Variants in DCDC2 observed in about 807,000 individuals in gnomAD.
DCDC2 encodes the protein doublecortin domain-containing protein 2.
DCDC2 carries 40 observed loss-of-function variants against 50.2 expected under a neutral mutation model. That is an observed-to-expected ratio of 0.80 (90% CI 0.62 to 1.04). DCDC2 has a LOEUF of 1.04. Ranked by LOEUF, DCDC2 falls within the 50% of genes least tolerant of loss-of-function variation. The pLI is 0.00. For synonymous variants in DCDC2, 234 were observed against 210.6 expected (o/e 1.11, Z -0.96); for missense variants, 570 against 581.9 (o/e 0.98, Z 0.21).
chr6:24,353,008 G>T (rs1305573152), intron 2 of DCDC2, among the ~76,000 whole-genome samples: 2 of 152,182 alleles, frequency 1.3e-5, no homozygotes, highest in Admixed American at 1.3e-4. Flanking sequence ...GTGGAATGCG[G>T]TATTGTGAAT....
Position 24,282,478 on chromosome 6 carries a change from A to G in DCDC2, c.760-4267T>C, listed in dbSNP as rs543745915. On this transcript the variant is annotated intron_variant, in intron 6 of 9. Transcript: ENST00000378454. ...GGCTGCTCTCAAACTCCTGACCTCA[A>G]ATGATCCTCCCCACTTGGCATCCCA... Among the ~76,000 whole-genome samples, 7 of 152,034 alleles carry G rather than the reference A, an allele frequency of 4.6e-5. No individual in the cohort carries two copies. In the South Asian group the frequency reaches 1.5e-3, roughly 32 times the overall value.
chr6:24,343,250 C>A (rs1181640274), intron 2 of DCDC2, among the ~76,000 whole-genome samples: 1 of 151,878 alleles, frequency 6.6e-6, no homozygotes, highest in Non-Finnish European at 1.5e-5. Context: ...CGGGTTTCAC[C>A]GTGTTAGCCA....
Position 24,302,029 on chromosome 6 carries a change from G to T in DCDC2, c.364C>A (p.His122Asn). ...CGAGCTGACACGTTGATCCTGCTATGGATTACTGGTTTTACCTTTAAAAGC... is the reference window on the plus strand; with the variant it reads ...CGAGCTGACACGTTGATCCTGCTATTGATTACTGGTTTTACCTTTAAAAGC... ...VVNTEVKPVI[H>N]SRINVSARFR... Residue 122 changes from histidine to asparagine, a missense_variant, in exon 3 of 10, where the codon CAT (histidine) becomes AAT (asparagine). Transcript: ENST00000378454. The T allele has an allele frequency of 6.2e-7, 1 of 1,613,328 alleles. No individual in the cohort carries two copies. The highest frequency in any genetic ancestry group is 1.7e-5 in the Admixed American group (1 of 59,828).
chr6:24,306,543 T>TAGATAGACAGACAGACAGAC (rs1209633765), intron 2 of DCDC2, among the ~76,000 whole-genome samples: 122 of 115,704 alleles, frequency 1.1e-3, no homozygotes, highest in African/African-American at 2.1e-3. Flanking sequence ...GATAGATAGA[T>TAGATAGACAGACAGACAGAC]AGACAGACAG....
At chr6:24,239,540 A>T (rs1162930734) in intron 7 of DCDC2, among the ~76,000 whole-genome samples, 2 of 152,216 alleles carry the variant, frequency 1.3e-5, no homozygotes, top group African/African-American at 4.8e-5. Context: ...CCAGCTAATT[A>T]GGAATGATTT....
chr6:24,363,199 A>T, the DCDC2 span, among the ~76,000 whole-genome samples: 1 of 152,330 alleles, frequency 6.6e-6, no homozygotes, highest in African/African-American at 2.4e-5. Flanking sequence ...TGTGCATTAA[A>T]AATAATACCA....
At chr6:24,214,820 A>G (rs1761940718) in intron 7 of DCDC2, among the ~76,000 whole-genome samples, 1 of 152,218 alleles carries the variant, frequency 6.6e-6, no homozygotes, top group African/African-American at 2.4e-5. Context: ...CCATACTTCT[A>G]TACGCTAGAT....
intron 7 of DCDC2, among the ~76,000 whole-genome samples, chr6:24,211,306 G>T (rs948577057): frequency 1.3e-5 from 2 of 152,142 alleles, no homozygotes; most frequent in Non-Finnish European, 2.9e-5. Context: ...TTGGATGGAG[G>T]GTAGAGAGGA....
intron 4 of DCDC2, among the ~76,000 whole-genome samples, chr6:24,294,943 G>A (rs1305781449): frequency 6.6e-6 from 1 of 152,002 alleles, no homozygotes; most frequent in Non-Finnish European, 1.5e-5. Flanking sequence ...TTGAGGAGGA[G>A]GAACTCCTCC....
In DCDC2 at chr6:24,316,906, TAA is replaced by T. The variant is rs1054766193; in HGVS notation, c.349-14864_349-14863del. ...TATGAAAAATACAAGGAAAACAATA[TAA>T]GAGAAAAATAATGAAAAAAGCTTTG... On this transcript the variant is annotated intron_variant, in intron 2 of 9. Coordinates refer to ENST00000378454, the MANE Select transcript of DCDC2 (RefSeq NM_016356.5). 2.0e-4 allele frequency among the ~76,000 whole-genome samples: 30 copies of T among 151,402 alleles called. 1 individual carries two copies. Among genetic ancestry groups the T allele is most frequent in the African/African-American group, 6.6e-4 (27 of 41,054 alleles).
intron 7 of DCDC2, among the ~76,000 whole-genome samples, chr6:24,217,908 A>G (rs1762017588): frequency 1.3e-5 from 2 of 152,368 alleles, no homozygotes; most frequent in South Asian, 4.1e-4. Context: ...GACTATGCAT[A>G]AAGTCTGCAA....
chr6:24,316,115 G>A (rs1324017018), intron 2 of DCDC2, among the ~76,000 whole-genome samples: 2 of 152,106 alleles, frequency 1.3e-5, no homozygotes, highest in Non-Finnish European at 2.9e-5. Flanking sequence ...GTTCAGTCTT[G>A]GACATTACAT....
At chr6:24,271,796 C>T (rs887809859) in intron 7 of DCDC2, among the ~76,000 whole-genome samples, 9 of 152,148 alleles carry the variant, frequency 5.9e-5, no homozygotes, top group South Asian at 2.1e-4. Context: ...TTTTATGGGG[C>T]GCTTGTATGG....
chr6:24,181,070 C>G (rs1419460691), intron 8 of DCDC2, among the ~76,000 whole-genome samples: 1 of 152,106 alleles, frequency 6.6e-6, no homozygotes, highest in Non-Finnish European at 1.5e-5. Context: ...ACACCGTGAG[C>G]CTAGGCTGTT....
At chr6:24,220,301 C>T (rs1762070484) in intron 7 of DCDC2, among the ~76,000 whole-genome samples, 1 of 151,976 alleles carries the variant, frequency 6.6e-6, no homozygotes. Flanking sequence ...TGGCATTGCA[C>T]AATAAAAATA....
chr6:24,302,129 G>T, intron 2 of DCDC2, 85 bp from the exon 3 acceptor site: 5 of 1,216,506 alleles, frequency 4.1e-6, no homozygotes, highest in Non-Finnish European at 5.8e-6. Context: ...CAGTTTCTAG[G>T]GAACTGCCTG....
intron 9 of DCDC2, among the ~76,000 whole-genome samples, chr6:24,175,131 C>T (rs1055172950): frequency 2.6e-5 from 4 of 152,160 alleles, no homozygotes; most frequent in East Asian, 3.9e-4. Context: ...TCTCTTTGAG[C>T]TTTTCTTCAA....
At chr6:24,369,983 G>A in the DCDC2 span, among the ~76,000 whole-genome samples, 1 of 152,210 alleles carries the variant, frequency 6.6e-6, no homozygotes, top group East Asian at 1.9e-4. Context: ...GGGGGAGGCT[G>A]CAGTGAGCTG....
intron 8 of DCDC2, among the ~76,000 whole-genome samples, chr6:24,188,068 A>C (rs1379637873): frequency 6.6e-6 from 1 of 152,228 alleles, no homozygotes; most frequent in Non-Finnish European, 1.5e-5. Flanking sequence ...ATGTATGTTC[A>C]AGAGTTACTT....
Sources: gnomAD v4.1 joint callset for allele counts (sites outside exome capture counted in the v4.1 genomes callset) on GRCh38, gnomAD v4.1.1 for gene constraint, MANE v1.5 for transcripts, NCBI Gene and HGNC (gene_info 2026-07-23, HGNC 2026-07-21) for gene names.